The following AKAP7 variants were observed in gnomAD, a reference collection of about 807,000 sequenced individuals.
AKAP7 encodes the protein A kinase (PRKA) anchor protein 7.
A neutral mutation model predicts 39.5 loss-of-function variants in AKAP7; 39 were observed. That is an observed-to-expected ratio of 0.99 (90% CI 0.76 to 1.29). The LOEUF is 1.29. AKAP7 is among the 50% of genes most tolerant of loss of function. AKAP7 has a pLI of 0.00. For synonymous variants in AKAP7, 140 were observed against 139.1 expected (o/e 1.01, Z -0.05); for missense variants, 414 against 407.7 (o/e 1.02, Z -0.13).
chr6:131,233,899 T>G, intron 7 of AKAP7, among the ~76,000 whole-genome samples: 1 of 152,220 alleles, frequency 6.6e-6, no homozygotes, highest in Non-Finnish European at 1.5e-5. Flanking sequence ...AGACCCTGAT[T>G]ACTATTGGAT....
intron 6 of AKAP7, among the ~76,000 whole-genome samples, chr6:131,212,124 T>A (rs999954937): frequency 7.2e-5 from 11 of 152,330 alleles, no homozygotes; most frequent in African/African-American, 2.6e-4. Context: ...ACTGAATGCA[T>A]GTTGCTTTCA....
intron 5 of AKAP7, among the ~76,000 whole-genome samples, chr6:131,182,387 G>T (rs1195203134): frequency 6.6e-6 from 1 of 152,146 alleles, no homozygotes; most frequent in East Asian, 1.9e-4. Flanking sequence ...CCTCATAGAA[G>T]TGAAATCATG....
At chr6:131,126,987 G>A in the AKAP7 span, among the ~76,000 whole-genome samples, 1 of 152,076 alleles carries the variant, frequency 6.6e-6, no homozygotes, top group Non-Finnish European at 1.5e-5. Context: ...AAAAGAGACA[G>A]GGCAGGTAGA....
At chr6:131,230,741 G>T (rs1479265104) in intron 7 of AKAP7, among the ~76,000 whole-genome samples, 8 of 152,070 alleles carry the variant, frequency 5.3e-5, no homozygotes, top group Admixed American at 1.3e-4. Context: ...CATGCATGGA[G>T]AAAAGATCCA....
chr6:131,279,099 C>T (rs901999348), intron 7 of AKAP7, among the ~76,000 whole-genome samples: 1 of 152,142 alleles, frequency 6.6e-6, no homozygotes, highest in Non-Finnish European at 1.5e-5. Context: ...TTATACCTGG[C>T]ACATTGAAGA....
intron 2 of AKAP7, among the ~76,000 whole-genome samples, chr6:131,154,426 AC>A (rs1351142389): frequency 6.7e-6 from 1 of 149,406 alleles, no homozygotes; most frequent in Non-Finnish European, 1.5e-5. Context: ...ACTGGAAGAG[AC>A]CCCCTAGAGA....
At chr6:131,214,334 C>T (rs879164196) in intron 6 of AKAP7, among the ~76,000 whole-genome samples, 3 of 152,076 alleles carry the variant, frequency 2.0e-5, no homozygotes, top group Admixed American at 2.0e-4. Context: ...CTTTTTCTTT[C>T]TGTAAAGCCT....
At chr6:131,171,467 A>C (rs1804039550) in intron 5 of AKAP7, among the ~76,000 whole-genome samples, 1 of 152,230 alleles carries the variant, frequency 6.6e-6, no homozygotes, top group African/African-American at 2.4e-5. Flanking sequence ...TTAGGGGCCT[A>C]CAAGTAGTTT....
chr6:131,182,935 TATTC>T (rs1371913724), intron 5 of AKAP7, among the ~76,000 whole-genome samples: 5 of 149,000 alleles, frequency 3.4e-5, no homozygotes, highest in Non-Finnish European at 7.6e-5. Context: ...ACCAATTTTA[TATTC>T]GCTTTACATA....
At chr6:131,192,941 A>G (rs1177952084) in intron 5 of AKAP7, among the ~76,000 whole-genome samples, 2 of 152,322 alleles carry the variant, frequency 1.3e-5, no homozygotes, top group African/African-American at 2.4e-5. Flanking sequence ...GTATTCTGCA[A>G]CTTTACTGAA....
At chr6:131,189,420 C>T (rs1437982180) in intron 5 of AKAP7, among the ~76,000 whole-genome samples, 1 of 152,118 alleles carries the variant, frequency 6.6e-6, no homozygotes, top group Non-Finnish European at 1.5e-5. Flanking sequence ...ATCGTATAAA[C>T]ATCTTTAACA....
At chr6:131,260,497 A>G (rs780960368) in intron 7 of AKAP7, among the ~76,000 whole-genome samples, 37 of 152,122 alleles carry the variant, frequency 2.4e-4, no homozygotes, top group Non-Finnish European at 4.3e-4. Flanking sequence ...TCGCCATTCT[A>G]ACTGGTATTA....
At chr6:131,273,615 G>A (rs1034106502) in intron 7 of AKAP7, among the ~76,000 whole-genome samples, 10 of 152,016 alleles carry the variant, frequency 6.6e-5, no homozygotes, top group Non-Finnish European at 8.8e-5. Context: ...CCCAATCTTT[G>A]TGTGCTATTG....
At chr6:131,242,271 C>A in intron 7 of AKAP7, 1 of 860,278 alleles carries the variant, frequency 1.2e-6, no homozygotes, top group Non-Finnish European at 1.4e-6. Flanking sequence ...AGAACCATAG[C>A]TGCCAAATAT....
At chr6:131,168,674 C>A (rs945422121) in intron 4 of AKAP7, among the ~76,000 whole-genome samples, 1 of 152,070 alleles carries the variant, frequency 6.6e-6, no homozygotes, top group South Asian at 2.1e-4. Flanking sequence ...TGTGCTTTAA[C>A]TTTTATTAGA....
intron 7 of AKAP7, among the ~76,000 whole-genome samples, chr6:131,252,665 C>G (rs953092760): frequency 2.0e-5 from 3 of 152,142 alleles, no homozygotes; most frequent in Admixed American, 6.5e-5. Flanking sequence ...CAGCGTGCCT[C>G]AAGGAACATA....
At chr6:131,150,120 T>G (rs905546446) in intron 2 of AKAP7, among the ~76,000 whole-genome samples, 3 of 152,202 alleles carry the variant, frequency 2.0e-5, no homozygotes, top group Non-Finnish European at 4.4e-5. Context: ...TGCCTGGTCT[T>G]AAGCCACATT....
intron 7 of AKAP7, among the ~76,000 whole-genome samples, chr6:131,275,277 C>T (rs1340200641): frequency 6.6e-6 from 1 of 152,174 alleles, no homozygotes. Flanking sequence ...ATCTTTAATC[C>T]TTATAACATC....
chr6:131,136,353 C>T (rs1448903065), intron 1 of AKAP7, among the ~76,000 whole-genome samples: 1 of 152,036 alleles, frequency 6.6e-6, no homozygotes, highest in Non-Finnish European at 1.5e-5. Context: ...GGTGGACTTT[C>T]GGTAAAAGGG....
Sources: gnomAD v4.1 joint callset for allele counts (sites outside exome capture counted in the v4.1 genomes callset) on GRCh38, gnomAD v4.1.1 for gene constraint, MANE v1.5 for transcripts, NCBI Gene and HGNC (gene_info 2026-07-23, HGNC 2026-07-21) for gene names.